Variants in DNAH12 observed in about 807,000 individuals in gnomAD.
The protein encoded by DNAH12 is axonemal beta dynein heavy chain 12.
Under a neutral mutation model 371.5 loss-of-function variants are expected in DNAH12, and 285 were observed. That is an observed-to-expected ratio of 0.77 (90% CI 0.70 to 0.85). The LOEUF is 0.85. DNAH12 is among the 40% of genes least tolerant of loss of function. DNAH12 has a pLI of 0.00. For synonymous variants in DNAH12, 1,200 were observed against 1,213.0 expected (o/e 0.99, Z 0.22); for missense variants, 3,611 against 3,689.4 (o/e 0.98, Z 0.55).
intron 39 of DNAH12, among the ~76,000 whole-genome samples, chr3:57,409,036 T>C (rs977724398): frequency 3.3e-5 from 5 of 152,202 alleles, no homozygotes; most frequent in Admixed American, 3.3e-4. Flanking sequence ...AATGTCCTGA[T>C]TTTTTCTCAT....
intron 11 of DNAH12, chr3:57,498,664 G>T (rs1299083060): frequency 2.9e-6 from 2 of 691,784 alleles, no homozygotes; most frequent in Non-Finnish European, 5.3e-6. Flanking sequence ...AATGAATAAA[G>T]AAACTATATA....
intron 59 of DNAH12, among the ~76,000 whole-genome samples, chr3:57,356,888 GC>G (rs1316736923): frequency 2.0e-5 from 3 of 151,818 alleles, no homozygotes; most frequent in Non-Finnish European, 4.4e-5. Context: ...GATTACAGGT[GC>G]CCGCCACCAC....
chr3:57,493,964 G>A (rs575266690), intron 11 of DNAH12, among the ~76,000 whole-genome samples: 216 of 152,298 alleles, frequency 1.4e-3, no homozygotes, highest in Non-Finnish European at 2.7e-3. Flanking sequence ...AGATAAGGGT[G>A]GTTCGTGCTT....
intron 2 of DNAH12, among the ~76,000 whole-genome samples, chr3:57,525,950 A>G (rs905168568): frequency 6.6e-6 from 1 of 151,846 alleles, no homozygotes; most frequent in Non-Finnish European, 1.5e-5. Context: ...TTTAGTAGAC[A>G]TGGGGTTTCA....
At chr3:57,407,847 A>G (rs1344793805) in intron 40 of DNAH12, among the ~76,000 whole-genome samples, 2 of 152,146 alleles carry the variant, frequency 1.3e-5, no homozygotes, top group African/African-American at 4.8e-5. Flanking sequence ...GACTAAAAGT[A>G]ATGTATTCAT....
At chr3:57,326,163 A>C (rs2061940066) in intron 62 of DNAH12, among the ~76,000 whole-genome samples, 1 of 152,118 alleles carries the variant, frequency 6.6e-6, no homozygotes. Flanking sequence ...GAACTTCCCC[A>C]ATCTAGCAAG....
intron 60 of DNAH12, among the ~76,000 whole-genome samples, chr3:57,335,339 G>C (rs1010226217): frequency 2.0e-5 from 3 of 152,230 alleles, no homozygotes; most frequent in African/African-American, 7.2e-5. Flanking sequence ...ACTGGAGTTT[G>C]TGAGCAGAGG....
In DNAH12 at chr3:57,454,872, C is replaced by G. The variant is rs1559679869; in HGVS notation, c.3359G>C (p.Arg1120Thr). 6.4e-7 allele frequency: 1 copy of G among 1,551,092 alleles called. No individual in the cohort carries two copies. The highest frequency in any genetic ancestry group is 8.7e-7 in the Non-Finnish European group (1 of 1,146,716). ...ARLAYPESAR[R>T]DWVREWPGQV... ...GCCAGGCCACTCTCGAACCCAGTCT[C>G]TTCTTGCAGATTCTGGATAAGCCTG... The change falls in exon 23 of 74, where the codon AGA becomes ACA. Residue 1120 changes from arginine to threonine, a missense_variant. Physicochemically the swap from Arg to Thr is moderately conservative, Grantham distance 71 (BLOSUM62 -1). Transcript: ENST00000495027.
At chr3:57,361,873 T>TA (rs1473635411) in intron 58 of DNAH12, among the ~76,000 whole-genome samples, 3 of 152,146 alleles carry the variant, frequency 2.0e-5, no homozygotes, top group Non-Finnish European at 4.4e-5. Context: ...AATATTTTTT[T>TA]AAAATTATAC....
intron 4 of DNAH12, among the ~76,000 whole-genome samples, chr3:57,513,802 C>G (rs1176870110): frequency 6.6e-6 from 1 of 152,074 alleles, no homozygotes; most frequent in Non-Finnish European, 1.5e-5. Flanking sequence ...AATATGACCC[C>G]CACATTCTTT....
At chr3:57,381,321 G>A (rs2063386051) in intron 50 of DNAH12, among the ~76,000 whole-genome samples, 1 of 148,886 alleles carries the variant, frequency 6.7e-6, no homozygotes, top group Admixed American at 6.8e-5. Context: ...TCTCAATGAA[G>A]GACAGAATGG....
chr3:57,361,444 CTATATATA>C (rs1201361123), intron 58 of DNAH12, among the ~76,000 whole-genome samples: 17 of 116,700 alleles, frequency 1.5e-4, no homozygotes, highest in East Asian at 7.8e-4. Flanking sequence ...CACACACACA[CTATATATA>C]TATATATATA....
At chr3:57,454,697 T>C (rs1447668337) in intron 23 of DNAH12, 78 bp downstream of exon 23, 1 of 1,512,732 alleles carries the variant, frequency 6.6e-7, no homozygotes, top group African/African-American at 1.4e-5. Flanking sequence ...TAGCAAGATC[T>C]CATTTCTAAA....
chr3:57,505,796 G>A (rs988711331), intron 8 of DNAH12, among the ~76,000 whole-genome samples: 1 of 151,980 alleles, frequency 6.6e-6, no homozygotes, highest in South Asian at 2.1e-4. Flanking sequence ...GAGTGCAGTG[G>A]CACAATCATA....
rs149376763 is a variant in DNAH12 at position 57,402,661 on chromosome 3, A to G, written c.6948+648T>C. 1.2e-4 allele frequency among the ~76,000 whole-genome samples: 19 copies of G among 152,336 alleles called. No homozygotes were observed. The East Asian group carries it at 3.1e-3, about 25-fold the overall frequency. ...GACCTCATGGAGGTAGAGAGTAGAA[A>G]GACACTTATCAGAGGCCAGAAAGGA... On this transcript the variant is annotated intron_variant, in intron 43 of 73. Transcript: ENST00000495027.
chr3:57,389,842 T>TATATATATATATATATATAAA (rs2063578029), intron 45 of DNAH12, among the ~76,000 whole-genome samples: 9 of 70,540 alleles, frequency 1.3e-4, no homozygotes, highest in Non-Finnish European at 3.0e-4. Flanking sequence ...ATATATATAA[T>TATATATATATATATATATAAA]ACTTTTTTTT....
At chr3:57,356,213 G>A (rs914594266) in intron 59 of DNAH12, among the ~76,000 whole-genome samples, 47,886 of 151,816 alleles carry the variant, frequency 0.32, 8,555 homozygotes, top group Non-Finnish European at 0.41. Context: ...ATGCTGAGTC[G>A]GGCAGATTTC....
rs150561545 is a variant in DNAH12, at chr3:57,438,422, C to T, written c.4546-1362G>A. Among the ~76,000 whole-genome samples the T allele has an allele frequency of 2.8e-4, 43 of 152,212 alleles. No homozygotes were observed. In the East Asian group the frequency reaches 4.2e-3, roughly 15 times the overall value. ...CATACAATCAAAACTTAAGGTTGGACGTCCTAGCCAGAACAATCAGGCAAG... is the reference window on the plus strand; with the variant it reads ...CATACAATCAAAACTTAAGGTTGGATGTCCTAGCCAGAACAATCAGGCAAG... On this transcript the variant is annotated intron_variant, in intron 29 of 73. Transcript: ENST00000495027.
intron 66 of DNAH12, 86 bp downstream of exon 66, chr3:57,314,408 G>T: frequency 6.7e-7 from 1 of 1,491,778 alleles, no homozygotes; most frequent in Non-Finnish European, 9.1e-7. Context: ...GTTGGGAGAA[G>T]TGAATCAGCT....
Sources: allele counts gnomAD v4.1 joint callset (sites outside exome capture counted in the v4.1 genomes callset), GRCh38; gene constraint gnomAD v4.1.1; transcripts MANE v1.5; gene names NCBI Gene and HGNC (gene_info 2026-07-23, HGNC 2026-07-21).